ZNF609: variants seen among roughly 807,000 people sequenced by gnomAD.
ZNF609 encodes the protein zinc finger protein 609.
ZNF609 carries 11 observed loss-of-function variants against 109.5 expected under a neutral mutation model. The ratio of observed to expected loss-of-function variants is 0.10; its 90% CI spans 0.06 to 0.17. ZNF609 has a LOEUF of 0.17. Among genes scored for constraint, ZNF609 ranks in the 10% least tolerant of loss-of-function variants. ZNF609 has a pLI of 1.00. For synonymous variants in ZNF609, 646 were observed against 662.0 expected (o/e 0.98, Z 0.37); for missense variants, 1,559 against 1,772.4 (o/e 0.88, Z 2.16).
At chr15:64,528,198 A>G (rs1474905767) in intron 2 of ZNF609, among the ~76,000 whole-genome samples, 2 of 151,638 alleles carry the variant, frequency 1.3e-5, no homozygotes, top group Non-Finnish European at 2.9e-5. Flanking sequence ...CCTGGGTTCA[A>G]GCGATTCTGC....
chr15:64,512,934 A>G (rs1020836742), intron 2 of ZNF609, among the ~76,000 whole-genome samples: 1 of 152,162 alleles, frequency 6.6e-6, no homozygotes, highest in African/African-American at 2.4e-5. Context: ...CATCCAGGTA[A>G]TAAGCAAGCA....
rs1227227556 is a variant in ZNF609, at chr15:64,683,062, C to G, written c.*1376C>G. 1.3e-5 allele frequency: 2 copies of G among 152,622 alleles called. No individual in the cohort carries two copies. Among genetic ancestry groups the G allele is most frequent in the East Asian group, 3.8e-4 (2 of 5,196 alleles). The allele number at this position is 152,622 out of a possible 1,614,324, so 9.5% of individuals were successfully genotyped here. A position where few individuals can be genotyped will look rare whatever the true frequency, so the allele number is the denominator to read the frequency against. On this transcript the variant is annotated 3_prime_UTR_variant, in exon 10 of 10. Coordinates refer to ENST00000326648, the MANE Select transcript of ZNF609 (RefSeq NM_015042.2). ...GCAGTCTCCCAATGGAAGCTTTATA[C>G]TCTTTGTACTGGGAAAGTGAGGATG...
At chr15:64,547,599 A>C (rs1318380621) in intron 2 of ZNF609, among the ~76,000 whole-genome samples, 7 of 151,880 alleles carry the variant, frequency 4.6e-5, no homozygotes, top group Admixed American at 2.6e-4. Context: ...AAACCAGGTT[A>C]CTCAGGAGGA....
intron 2 of ZNF609, among the ~76,000 whole-genome samples, chr15:64,526,448 T>G (rs1227787752): frequency 6.6e-6 from 1 of 152,202 alleles, no homozygotes. Flanking sequence ...CTTTATTTCT[T>G]GTCTAATTTT....
At chr15:64,512,269 G>A (rs907543328) in intron 2 of ZNF609, among the ~76,000 whole-genome samples, 16 of 152,038 alleles carry the variant, frequency 1.1e-4, no homozygotes, top group Admixed American at 3.3e-4. Context: ...TTAAATTATT[G>A]TTCCAGAATT....
chr15:64,591,953 C>G (rs188549971), intron 2 of ZNF609, among the ~76,000 whole-genome samples: 2 of 152,176 alleles, frequency 1.3e-5, no homozygotes, highest in East Asian at 3.9e-4. Flanking sequence ...AGGTGATCCG[C>G]CCGCCTTGGC....
intron 2 of ZNF609, among the ~76,000 whole-genome samples, chr15:64,613,749 A>G (rs1250933401): frequency 6.6e-6 from 1 of 151,930 alleles, no homozygotes; most frequent in Non-Finnish European, 1.5e-5. Context: ...ACAAGGTTTC[A>G]CCATGTTGGC....
At chr15:64,668,954 A>G (rs1003857912) in intron 3 of ZNF609, among the ~76,000 whole-genome samples, 2 of 128,880 alleles carry the variant, frequency 1.6e-5, no homozygotes, top group African/African-American at 3.1e-5. Flanking sequence ...CTCCGTCTCA[A>G]AAAAAAAAAA....
At chr15:64,528,936 G>A in intron 2 of ZNF609, 1 of 1,276,248 alleles carries the variant, frequency 7.8e-7, no homozygotes, top group South Asian at 1.2e-5. Flanking sequence ...CCAGACGACA[G>A]GTCAGGTCCG....
At chr15:64,518,868 G>A (rs1437312883) in intron 2 of ZNF609, among the ~76,000 whole-genome samples, 1 of 152,028 alleles carries the variant, frequency 6.6e-6, no homozygotes. Context: ...GGGCAAGTTT[G>A]CAGGGAATGA....
chr15:64,572,531 G>A (rs1311401006), intron 2 of ZNF609, among the ~76,000 whole-genome samples: 1 of 152,124 alleles, frequency 6.6e-6, no homozygotes, highest in African/African-American at 2.4e-5. Context: ...TGAGGACAGG[G>A]ATGTTTGTCT....
chr15:64,609,581 A>G (rs1895682182), intron 2 of ZNF609, among the ~76,000 whole-genome samples: 1 of 149,440 alleles, frequency 6.7e-6, no homozygotes, highest in African/African-American at 2.4e-5. Flanking sequence ...AAGTGCTGGG[A>G]TTACAGGCGT....
At chr15:64,506,287 T>G (rs1165005642) in intron 2 of ZNF609, among the ~76,000 whole-genome samples, 2 of 151,282 alleles carry the variant, frequency 1.3e-5, no homozygotes, top group Non-Finnish European at 2.9e-5. Flanking sequence ...CATGCCTGGC[T>G]AATTTTTGTA....
At chr15:64,575,780 G>T (rs1336274659) in intron 2 of ZNF609, among the ~76,000 whole-genome samples, 1 of 152,164 alleles carries the variant, frequency 6.6e-6, no homozygotes, top group African/African-American at 2.4e-5. Flanking sequence ...CAAGCAAGCT[G>T]GTTTTATCTG....
chr15:64,596,393 A>G (rs1457796070), intron 2 of ZNF609, among the ~76,000 whole-genome samples: 1 of 152,008 alleles, frequency 6.6e-6, no homozygotes, highest in Non-Finnish European at 1.5e-5. Flanking sequence ...TGACCTTGTG[A>G]TCTGGCCAAC....
chr15:64,567,368 G>T (rs1462167223), intron 2 of ZNF609, among the ~76,000 whole-genome samples: 3 of 151,788 alleles, frequency 2.0e-5, no homozygotes, highest in Non-Finnish European at 4.4e-5. Context: ...TGTAGTCTCA[G>T]CTACTCTGGA....
intron 1 of ZNF609, among the ~76,000 whole-genome samples, chr15:64,476,296 A>AG (rs1893168872): frequency 6.6e-6 from 1 of 151,994 alleles, no homozygotes; most frequent in Non-Finnish European, 1.5e-5. Context: ...AGACCAAAAA[A>AG]AAAAAATCAA....
chr15:64,461,943 TCTG>T (rs1165177369), intron 1 of ZNF609, among the ~76,000 whole-genome samples: 1 of 152,152 alleles, frequency 6.6e-6, no homozygotes, highest in Non-Finnish European at 1.5e-5. Context: ...AGATGACTGT[TCTG>T]CTGCCACACA....
In ZNF609 at chr15:64,510,066, C is replaced by A. The variant is rs1158074702; in HGVS notation, c.747+9900C>A. On this transcript the variant is annotated intron_variant, in intron 2 of 9. Coordinates refer to ENST00000326648, the MANE Select transcript of ZNF609 (RefSeq NM_015042.2). ...GTTTTAAACACTACATTATTCACCC[C>A]ATTTCATCTCATCCCATAGGCATTT... Among the ~76,000 whole-genome samples the A allele has an allele frequency of 2.0e-5, 3 of 152,168 alleles. No homozygotes were observed. In the East Asian group the frequency reaches 5.8e-4, roughly 29 times the overall value.
Sources: gnomAD v4.1 joint callset for allele counts (sites outside exome capture counted in the v4.1 genomes callset) on GRCh38, gnomAD v4.1.1 for gene constraint, MANE v1.5 for transcripts, NCBI Gene and HGNC (gene_info 2026-07-23, HGNC 2026-07-21) for gene names.